Variants in NLRP7 observed in about 807,000 individuals in gnomAD.
The protein encoded by NLRP7 is NACHT, LRR and PYD domains-containing protein 7.
In NLRP7, 72 loss-of-function variants were observed where a neutral mutation model predicts 85.5. The ratio of observed to expected loss-of-function variants is 0.84; its 90% CI spans 0.70 to 1.02. The LOEUF is 1.02. Ranked by LOEUF, NLRP7 falls within the 50% of genes least tolerant of loss-of-function variation. The pLI is 0.00. For synonymous variants in NLRP7, 550 were observed against 505.2 expected (o/e 1.09, Z -1.19); for missense variants, 1,243 against 1,219.5 (o/e 1.02, Z -0.29).
chr19:54,944,279 C>T (rs748766065), intron 1 of NLRP7, among the ~76,000 whole-genome samples: 6 of 151,978 alleles, frequency 3.9e-5, no homozygotes, highest in Admixed American at 6.6e-5. Flanking sequence ...TTCCATCCAC[C>T]GAGATAGGGG....
In NLRP7 at chr19:54,938,240, A is replaced by C. The variant is rs993209047; in HGVS notation, c.1933T>G (p.Cys645Gly). The C allele has an allele frequency of 6.2e-7, 1 of 1,613,638 alleles. No individual in the cohort carries two copies. Among genetic ancestry groups the C allele is most frequent in the Non-Finnish European group, 8.5e-7 (1 of 1,179,750 alleles). Residue 645 changes from cysteine to glycine, a missense_variant and splice_region_variant, in exon 5 of 10, where the codon TGC becomes GGC. Coordinates refer to ENST00000340844, the Ensembl canonical transcript of NLRP7. ...CAGTTCGGAATGGTTAGGTAAGTGC[A>C]CCTGCAGGAGAACACACGTTCATCT... is the stretch of plus-strand genomic sequence containing the variant.
chr19:54,926,178 T>G (rs2068428037), intron 9 of NLRP7, among the ~76,000 whole-genome samples: 1 of 151,538 alleles, frequency 6.6e-6, no homozygotes, highest in Non-Finnish European at 1.5e-5. Flanking sequence ...CTCTGGGAAC[T>G]ACCTATTTTT....
At chr19:54,962,638 C>T (rs1186390092) in intron 1 of NLRP7, among the ~76,000 whole-genome samples, 7 of 147,260 alleles carry the variant, frequency 4.8e-5, no homozygotes, top group African/African-American at 1.8e-4. Flanking sequence ...CTTGCTCTGT[C>T]ACCCAGGCTG....
rs1444235299 is a variant in NLRP7 at position 54,940,470 on chromosome 19, C to T, written c.353-4G>A. 2 of 1,613,532 alleles carry T rather than the reference C, an allele frequency of 1.2e-6. No homozygotes were observed. Among genetic ancestry groups the T allele is most frequent in the East Asian group, 4.5e-5 (2 of 44,886 alleles). ...TTTCTCCATCCTTCCTTTTCACCTG[C>T]AGTGACAGCCCATAGGACAGTTGAG... On this transcript the variant is annotated splice_region_variant and splice_polypyrimidine_tract_variant and intron_variant, in intron 3 of 9. Coordinates refer to ENST00000340844, the Ensembl canonical transcript of NLRP7.
intron 1 of NLRP7, among the ~76,000 whole-genome samples, chr19:54,942,255 CAA>C (rs576434793): frequency 0.02 from 1,214 of 59,272 alleles, 8 homozygotes; most frequent in African/African-American, 0.058. Context: ...GACTCCGTCT[CAA>C]AAAAAAAAAA....
intron 1 of NLRP7, among the ~76,000 whole-genome samples, chr19:54,944,486 G>C (rs373094717): frequency 6.6e-6 from 1 of 151,966 alleles, no homozygotes; most frequent in Admixed American, 6.6e-5. Context: ...CCCCGTCTCC[G>C]AGATGGTAGA....
chr19:54,951,170 A>G (rs1439543725), upstream of NLRP7, among the ~76,000 whole-genome samples: 2 of 152,340 alleles, frequency 1.3e-5, no homozygotes, highest in Non-Finnish European at 2.9e-5. Context: ...GTCTTAGTAC[A>G]GAACAAAATG....
At chr19:54,924,271 A>G (rs4806623) in intron 9 of NLRP7, among the ~76,000 whole-genome samples, 14,383 of 152,116 alleles carry the variant, frequency 0.095, 974 homozygotes, top group East Asian at 0.32. Flanking sequence ...CCCAGTCAGA[A>G]AAGTTTTCTA....
At chr19:54,933,664 T>G in exon 8 of NLRP7, 1 of 1,614,200 alleles carries the variant, frequency 6.2e-7, no homozygotes, top group Non-Finnish European at 8.5e-7. Flanking sequence ...AGCACAGGTG[T>G]GTCAGCTTCT....
chr19:54,927,970 G>T (rs567134364), intron 9 of NLRP7, among the ~76,000 whole-genome samples, 195 bp from the exon 10 acceptor site: 1 of 152,316 alleles, frequency 6.6e-6, no homozygotes, highest in South Asian at 2.1e-4. Context: ...ACAGACACCT[G>T]TAGCCCCAGC....
At chr19:54,949,937 T>C (rs192437211), upstream of NLRP7, among the ~76,000 whole-genome samples, 89 of 152,096 alleles carry the variant, frequency 5.9e-4, no homozygotes, top group Middle Eastern at 3.4e-3. Context: ...ACCCTGGCTC[T>C]ACAAAAAATA....
chr19:54,958,017 A>G (rs1274335568), intron 1 of NLRP7, among the ~76,000 whole-genome samples: 1 of 151,990 alleles, frequency 6.6e-6, no homozygotes, highest in Non-Finnish European at 1.5e-5. Context: ...GGAGTCCGAG[A>G]CTAGCCTGGC....
At chr19:54,946,038 G>A (rs958907828) in intron 1 of NLRP7, among the ~76,000 whole-genome samples, 10 of 152,036 alleles carry the variant, frequency 6.6e-5, no homozygotes, top group Non-Finnish European at 1.0e-4. Context: ...TGATCCGCCC[G>A]CCTCGGCCTC....
At chr19:54,959,699 C>T (rs1244476145) in intron 1 of NLRP7, among the ~76,000 whole-genome samples, 2 of 151,146 alleles carry the variant, frequency 1.3e-5, no homozygotes, top group Non-Finnish European at 2.9e-5. Flanking sequence ...CCTGTTTCTA[C>T]AAAAAATAAA....
intron 1 of NLRP7, among the ~76,000 whole-genome samples, chr19:54,959,239 A>G (rs1481872743): frequency 6.7e-6 from 1 of 148,554 alleles, no homozygotes; most frequent in Non-Finnish European, 1.5e-5. Flanking sequence ...CCTGGATTCA[A>G]GCAATTCTGC....
intron 3 of NLRP7, 42 bp downstream of exon 3, chr19:54,940,889 C>T (rs1224924446): frequency 1.6e-6 from 2 of 1,268,218 alleles, no homozygotes; most frequent in South Asian, 2.4e-5. Context: ...CTTGCATGCT[C>T]TCAAACACCA....
chr19:54,933,721 A>T (rs150952049), exon 8 of NLRP7: 21 of 1,614,112 alleles, frequency 1.3e-5, no homozygotes, highest in Non-Finnish European at 1.8e-5. Flanking sequence ...TGGCTTCTGT[A>T]AGACGACAGT....
Position 54,938,189 on chromosome 19 carries a change from G to A in NLRP7, c.1984C>T (p.Arg662Cys), listed in dbSNP as rs147859947. 18 of 1,613,964 alleles carry A rather than the reference G, an allele frequency of 1.1e-5. No homozygotes were observed. Among genetic ancestry groups the A allele is most frequent in the African/African-American group, 4.0e-5 (3 of 74,898 alleles). ...AGAGAGCAGAAATCTGTCCAGAGGCGAAGAGAGCGAAGATCCTGCCGAGCC... is the reference window on the plus strand; with the variant it reads ...AGAGAGCAGAAATCTGTCCAGAGGCAAAGAGAGCGAAGATCCTGCCGAGCC... Residue 662 changes from arginine (R) to cysteine (C), a missense_variant, in exon 5 of 10, where the codon CGC becomes TGC. This residue lies in a region of NLRP7 where 613 missense variants were observed against 588.4 expected (regional missense o/e 1.04). Transcript: ENST00000340844.
exon 4 of NLRP7, chr19:54,939,985 C>A: frequency 6.2e-7 from 1 of 1,614,168 alleles, no homozygotes; most frequent in African/African-American, 1.3e-5. Context: ...GGACGGGCAC[C>A]GGCTTCTTCT....
Sources: gnomAD v4.1 joint callset for allele counts (sites outside exome capture counted in the v4.1 genomes callset) on GRCh38, gnomAD v4.1.1 for gene constraint, gnomAD v4.1.1 regional missense constraint, MANE v1.5 for transcripts, NCBI Gene and HGNC (gene_info 2026-07-23, HGNC 2026-07-21) for gene names.